ADGRB3: variants seen among roughly 807,000 people sequenced by gnomAD.
ADGRB3 encodes adhesion G protein-coupled receptor B3.
In ADGRB3, 37 loss-of-function variants were observed where a neutral mutation model predicts 193.4. The observed-to-expected ratio is 0.19, with a 90% CI of 0.15 to 0.25. ADGRB3 has a LOEUF of 0.25. Ranked by LOEUF, ADGRB3 falls within the 10% of genes least tolerant of loss-of-function variation. The probability of loss-of-function intolerance (pLI) is 1.00; values close to 1 mark genes in which losing one functional copy is unlikely to be tolerated. For missense variants in ADGRB3, 1,637 were observed against 1,852.9 expected, an observed-to-expected ratio of 0.88 and a Z score of 2.14; for synonymous variants, 690 against 644.2, an observed-to-expected ratio of 1.07 and a Z score of -1.08.
At chr6:68,797,558 C>A (rs1767235317) in intron 3 of ADGRB3, among the ~76,000 whole-genome samples, 1 of 152,016 alleles carries the variant, frequency 6.6e-6, no homozygotes, top group South Asian at 2.1e-4. Context: ...GTCATTTTTC[C>A]ATCTTACAGA....
chr6:69,340,591 G>A (rs1768953723), intron 26 of ADGRB3, among the ~76,000 whole-genome samples: 1 of 152,038 alleles, frequency 6.6e-6, no homozygotes, highest in African/African-American at 2.4e-5. Context: ...TATCAGATGG[G>A]AAGAACAATA....
chr6:69,345,669 G>A (rs1248313099), intron 26 of ADGRB3, among the ~76,000 whole-genome samples: 1 of 152,076 alleles, frequency 6.6e-6, no homozygotes, highest in Non-Finnish European at 1.5e-5. Context: ...GCAAAAGCTG[G>A]AAGCATTCCC....
chr6:69,024,678 T>A (rs1770373970), intron 13 of ADGRB3, among the ~76,000 whole-genome samples: 1 of 152,230 alleles, frequency 6.6e-6, no homozygotes, highest in Admixed American at 6.5e-5. Flanking sequence ...TACAAGAATC[T>A]AAAACATATC....
chr6:69,232,711 G>A (rs1442411557), intron 17 of ADGRB3: 3 of 1,233,332 alleles, frequency 2.4e-6, no homozygotes, highest in South Asian at 1.4e-5. Flanking sequence ...GCTGCTTCCC[G>A]TTTCCAGGGT....
chr6:68,688,707 G>T (rs1159429900), intron 3 of ADGRB3, among the ~76,000 whole-genome samples: 4 of 152,172 alleles, frequency 2.6e-5, no homozygotes, highest in African/African-American at 9.6e-5. Context: ...TCCCCTCCCA[G>T]GGCCTTGGGA....
intron 30 of ADGRB3, 36 bp from the exon 31 acceptor site, chr6:69,382,795 A>G (rs1199767511): frequency 7.1e-7 from 1 of 1,414,884 alleles, no homozygotes; most frequent in Non-Finnish European, 9.8e-7. Flanking sequence ...ACATACATCA[A>G]GTTGGGGATG....
At chr6:68,639,630 G>A (rs2127274623) in intron 3 of ADGRB3, among the ~76,000 whole-genome samples, 198 bp downstream of exon 3, 1 of 152,282 alleles carries the variant, frequency 6.6e-6, no homozygotes, top group East Asian at 1.9e-4. Flanking sequence ...GGTGAGGACT[G>A]GATAGCTCAG....
At chr6:69,045,197 A>G (rs1771202177) in intron 13 of ADGRB3, among the ~76,000 whole-genome samples, 1 of 152,174 alleles carries the variant, frequency 6.6e-6, no homozygotes, top group Non-Finnish European at 1.5e-5. Context: ...GGATTGTTCT[A>G]GTGTCTTGTA....
intron 3 of ADGRB3, among the ~76,000 whole-genome samples, chr6:68,862,062 A>G (rs1247220241): frequency 1.3e-5 from 2 of 151,942 alleles, no homozygotes; most frequent in African/African-American, 4.8e-5. Flanking sequence ...CCAACTTCAG[A>G]GCTCTTATTT....
chr6:69,209,943 T>C (rs1270789196), intron 17 of ADGRB3, among the ~76,000 whole-genome samples: 1 of 151,542 alleles, frequency 6.6e-6, no homozygotes, highest in Non-Finnish European at 1.5e-5. Flanking sequence ...GAGTCCTTAG[T>C]ATTTTGAGGT....
intron 3 of ADGRB3, among the ~76,000 whole-genome samples, chr6:68,856,936 A>T (rs991811225): frequency 2.0e-5 from 3 of 151,880 alleles, no homozygotes; most frequent in Non-Finnish European, 4.4e-5. Flanking sequence ...GGTATCCTGC[A>T]TTCCAGAAGC....
chr6:69,388,874 T>C lies in ADGRB3; in HGVS notation c.4552T>C (p.Phe1518Leu), dbSNP rs1220552671. The C allele has an allele frequency of 6.2e-7, 1 of 1,611,464 alleles. No individual in the cohort carries two copies. The highest frequency in any genetic ancestry group is 1.7e-5 in the Admixed American group (1 of 59,450). The change falls in exon 32 of 32, where the codon TTT becomes CTT. Residue 1518 changes from phenylalanine to leucine, a missense_variant. By Grantham distance (22) the Phe-to-Leu change is conservative. Coordinates refer to ENST00000370598, the MANE Select transcript of ADGRB3 (RefSeq NM_001704.3). ...GCCTCTGGATGTGCAAGAGGGTGAC[T>C]TTCAAACAGAAGTTTAAAAAAATCA... ...NLPLDVQEGDFQTEV is the reference protein window; with the variant it reads ...NLPLDVQEGDLQTEV
At chr6:68,864,194 T>C (rs1055939266) in intron 3 of ADGRB3, among the ~76,000 whole-genome samples, 3 of 152,226 alleles carry the variant, frequency 2.0e-5, no homozygotes, top group African/African-American at 7.2e-5. Context: ...GTAATACTTA[T>C]TGGACTGCCC....
chr6:69,014,059 A>G lies in ADGRB3; in HGVS notation c.1951A>G (p.Asn651Asp). 1 of 1,598,876 alleles carries G rather than the reference A, an allele frequency of 6.3e-7. No individual in the cohort carries two copies. Among genetic ancestry groups the G allele is most frequent in the African/African-American group, 1.3e-5 (1 of 74,516 alleles). ...ACAGAACTTCTTTCAAATAGTTAGC[A>G]ACCTTCTAGATGAAGAAAACAAGGA... ...GVQNFFQIVS[N>D]LLDEENKEKW... The change falls in exon 12 of 32, where the codon AAC becomes GAC. Residue 651 changes from asparagine to aspartate, a missense_variant. Transcript: ENST00000370598.
intron 10 of ADGRB3, among the ~76,000 whole-genome samples, chr6:68,981,811 T>G (rs1002507546): frequency 6.6e-6 from 1 of 151,428 alleles, no homozygotes. Flanking sequence ...ACAACACTTT[T>G]GGGGTTCTCC....
At chr6:69,167,082 G>A (rs558728008) in intron 17 of ADGRB3, among the ~76,000 whole-genome samples, 3 of 152,230 alleles carry the variant, frequency 2.0e-5, no homozygotes, top group Admixed American at 6.5e-5. Flanking sequence ...GCAGGAAGCC[G>A]TACTTCTCTC....
At chr6:69,248,279 T>C (rs1205865317) in intron 20 of ADGRB3, among the ~76,000 whole-genome samples, 3 of 152,148 alleles carry the variant, frequency 2.0e-5, no homozygotes, top group Non-Finnish European at 4.4e-5. Context: ...CTTAATACAA[T>C]GTAAAATACT....
chr6:68,858,517 C>T (rs942762314), intron 3 of ADGRB3, among the ~76,000 whole-genome samples: 9 of 137,320 alleles, frequency 6.6e-5, no homozygotes, highest in African/African-American at 2.4e-4. Context: ...AAAAAAAACA[C>T]CTGAGGTTGA....
At chr6:69,022,633 G>C (rs554538101) in intron 13 of ADGRB3, among the ~76,000 whole-genome samples, 1 of 151,846 alleles carries the variant, frequency 6.6e-6, no homozygotes, top group East Asian at 1.9e-4. Flanking sequence ...ACTCTTTCTT[G>C]ATACTGTTCA....
Sources: gnomAD v4.1 joint callset for allele counts (sites outside exome capture counted in the v4.1 genomes callset) on GRCh38, gnomAD v4.1.1 for gene constraint, MANE v1.5 for transcripts, NCBI Gene and HGNC (gene_info 2026-07-23, HGNC 2026-07-21) for gene names.